Variants in SPTBN2 observed in about 807,000 individuals in gnomAD.
SPTBN2 encodes the protein spectrin beta chain, non-erythrocytic 2.
In SPTBN2, 107 loss-of-function variants were observed where a neutral mutation model predicts 284.2. The ratio of observed to expected loss-of-function variants is 0.38; its 90% CI spans 0.32 to 0.44. The LOEUF is 0.44. SPTBN2 is among the 20% of genes least tolerant of loss of function. The pLI, the probability that SPTBN2 is intolerant of heterozygous loss-of-function variation, is 1.00. For synonymous variants in SPTBN2, 1,289 were observed against 1,354.8 expected, an observed-to-expected ratio of 0.95 and a Z score of 1.07; for missense variants, 2,569 against 3,287.1, an observed-to-expected ratio of 0.78 and a Z score of 5.34.
chr11:66,705,266 G>A lies in SPTBN2; in HGVS notation c.2010C>T (p.Gly670=). The A allele has an allele frequency of 1.3e-6, 2 of 1,588,464 alleles. No individual in the cohort carries two copies. The highest frequency in any genetic ancestry group is 1.1e-5 in the South Asian group (1 of 89,366). ...GGCGGAGGGCACCGGTCAGGTCTCG[G>A]CCCGTGTCGGCTGAGGCCAGGAGGT... ...QQHLLASADT[G]RDLTGALRLL... The change falls in exon 15 of 38, where the codon GGC becomes GGT. Residue 670 remains glycine (G), a synonymous_variant. Coordinates refer to ENST00000533211, the MANE Select transcript of SPTBN2 (RefSeq NM_006946.4).
In SPTBN2 at chr11:66,700,670, T is replaced by C. The variant is rs35370566; in HGVS notation, c.3429A>G (p.Leu1143=). The C allele has an allele frequency of 1.1e-3, 1,804 of 1,606,988 alleles. 5 individuals carry two copies. Among genetic ancestry groups the C allele is most frequent in the Middle Eastern group, 4.0e-3 (24 of 6,060 alleles). The stretch of plus-strand genomic sequence containing the variant: ...TTCCCAGGGCCTCCAGTCGCTGTCG[T>C]AGGAAGAGGCACTGGGGGTCAGCCT... ...RDQADPQCLF[L]RQRLEALGTG... is the part of the protein sequence containing the mutation. Residue 1143 remains leucine (L), a synonymous_variant, in exon 17 of 38, where the codon CTA becomes CTG. Coordinates refer to ENST00000533211, the MANE Select transcript of SPTBN2 (RefSeq NM_006946.4). The surrounding 1 kb of genome is among the most constrained non-coding windows in gnomAD (Gnocchi z 6.6).
upstream of SPTBN2, among the ~76,000 whole-genome samples, chr11:66,729,421 C>T (rs1038028689): frequency 1.3e-5 from 2 of 151,940 alleles, no homozygotes; most frequent in South Asian, 2.1e-4. Flanking sequence ...GATGAGGGCC[C>T]GTTTCTATCC....
rs1565148758 is a variant in SPTBN2 at position 66,713,705 on chromosome 11, G to A, written c.698C>T (p.Ala233Val). ...GAATGCATTCTGCAGATTATAGTGT[G>A]CATTACACTTCTTCAGAGACTCAAA... The part of the protein sequence containing the change: ...LDFESLKKCN[A>V]HYNLQNAFNL... Residue 233 changes from alanine (A) to valine (V), a missense_variant, in exon 8 of 38, where the codon GCA becomes GTA. This residue lies in a region of SPTBN2 where 304 missense variants were observed against 522.1 expected (regional missense o/e 0.58). Coordinates refer to ENST00000533211, the MANE Select transcript of SPTBN2 (RefSeq NM_006946.4). 1 of 1,613,994 alleles carries A rather than the reference G, an allele frequency of 6.2e-7. No individual in the cohort carries two copies. The highest frequency in any genetic ancestry group is 1.3e-5 in the African/African-American group (1 of 74,918).
At chr11:66,734,928 C>G (rs377729202) in intron 1 of SPTBN2, among the ~76,000 whole-genome samples, 1 of 152,194 alleles carries the variant, frequency 6.6e-6, no homozygotes, top group Non-Finnish European at 1.5e-5. Flanking sequence ...GCAGCAGCAA[C>G]GGCAACAGCA....
intron 3 of SPTBN2, 89 bp from the exon 4 acceptor site, chr11:66,716,070 G>T (rs1484568072): frequency 5.1e-6 from 8 of 1,576,656 alleles, no homozygotes; most frequent in Non-Finnish European, 7.0e-6. Context: ...GGATGGAGAA[G>T]CCTGAGAGAT....
At position 66,689,195 on chromosome 11, in the gene SPTBN2, C is replaced by A. The variant is rs1488679455; in HGVS notation, c.5950-15G>T. The A allele has an allele frequency of 3.1e-6, 5 of 1,596,452 alleles. No homozygotes were observed. Among genetic ancestry groups the A allele is most frequent in the Non-Finnish European group, 4.3e-6 (5 of 1,170,128 alleles). ...TTCTCTGAGATCTGGGGGCGGGGGG[C>A]AGAGATATGAGTTAGCACCAGGATG... On this transcript the variant is annotated splice_polypyrimidine_tract_variant and intron_variant, in intron 29 of 37. Transcript: ENST00000533211.
chr11:66,701,746 T>C, intron 15 of SPTBN2, 25 bp from the exon 16 acceptor site: 1 of 1,614,040 alleles, frequency 6.2e-7, no homozygotes, highest in Non-Finnish European at 8.5e-7. Context: ...GAGCCAGGCG[T>C]GAATTGTGGG....
intron 1 of SPTBN2, among the ~76,000 whole-genome samples, chr11:66,727,541 A>G (rs1331589221): frequency 2.0e-5 from 3 of 152,214 alleles, no homozygotes; most frequent in Admixed American, 6.5e-5. Flanking sequence ...CGGACCGCAC[A>G]GCCCTATCAG....
intron 16 of SPTBN2, 105 bp downstream of exon 16, chr11:66,701,479 C>G: frequency 6.3e-7 from 1 of 1,590,064 alleles, no homozygotes. Context: ...GGTTTGCTTC[C>G]TCCTTTGTAG....
At chr11:66,702,955 A>C (rs1301952873) in intron 15 of SPTBN2, among the ~76,000 whole-genome samples, 1 of 151,346 alleles carries the variant, frequency 6.6e-6, no homozygotes, top group African/African-American at 2.4e-5. Context: ...AAAAAAAAAA[A>C]AAAAACCAAA....
chr11:66,702,755 G>A lies in SPTBN2; in HGVS notation c.2679-1034C>T, dbSNP rs1230466098. On this transcript the variant is annotated intron_variant, in intron 15 of 37. Transcript: ENST00000533211. The stretch of plus-strand genomic sequence containing the variant: ...AGATCGAGACCATCCTGGCTAACAC[G>A]GTGAAACCTCGTCTCTACTAAAAAT... Among the ~76,000 whole-genome samples, 27 of 151,492 alleles carry A rather than the reference G, an allele frequency of 1.8e-4. No homozygotes were observed. In the East Asian group the frequency reaches 4.7e-3, roughly 26 times the overall value.
chr11:66,696,198 C>T, intron 21 of SPTBN2, 79 bp downstream of exon 21: 1 of 1,575,378 alleles, frequency 6.3e-7, no homozygotes, highest in Non-Finnish European at 8.6e-7. Flanking sequence ...TGCCAGGCCT[C>T]AGCTGGCCTC....
At chr11:66,696,865 G>A (rs1940945068) in intron 20 of SPTBN2, among the ~76,000 whole-genome samples, 1 of 152,124 alleles carries the variant, frequency 6.6e-6, no homozygotes, top group Non-Finnish European at 1.5e-5. Context: ...TGAGTTATTT[G>A]CCATCATTTT....
chr11:66,686,195 A>G (rs780553332), intron 37 of SPTBN2, 91 bp from the exon 38 acceptor site: 91 of 1,440,320 alleles, frequency 6.3e-5, no homozygotes, highest in Admixed American at 1.7e-5. Context: ...GAGGAGGCAG[A>G]AAGTGAGCTG....
At chr11:66,729,827 A>G (rs565700533), upstream of SPTBN2, among the ~76,000 whole-genome samples, 1 of 152,204 alleles carries the variant, frequency 6.6e-6, no homozygotes, top group African/African-American at 2.4e-5. Flanking sequence ...TTTGAGACGG[A>G]GTCGTGCTCT....
rs758091474 is a variant in SPTBN2 at position 66,701,715 on chromosome 11, C to T, written c.2685G>A (p.Glu895=). The T allele has an allele frequency of 2.5e-6, 4 of 1,613,912 alleles. No homozygotes were observed. The Admixed American group carries it at 6.7e-5, about 27-fold the overall frequency. The change falls in exon 16 of 38, where the codon GAG becomes GAA. Residue 895 remains glutamate, a synonymous_variant. Coordinates refer to ENST00000533211, the MANE Select transcript of SPTBN2 (RefSeq NM_006946.4). ...EDLEVVQQRF[E]TLEPEMNTLA... Reference sequence around the variant, plus strand: ...GGGTGTTCATTTCAGGCTCCAGGGTCTCGAACCTGAGAGGGTGGAAGAGCC... The same window carrying T: ...GGGTGTTCATTTCAGGCTCCAGGGTTTCGAACCTGAGAGGGTGGAAGAGCC...
intron 15 of SPTBN2, among the ~76,000 whole-genome samples, chr11:66,702,410 C>A (rs1363584624): frequency 6.6e-6 from 1 of 152,152 alleles, no homozygotes; most frequent in Non-Finnish European, 1.5e-5. Flanking sequence ...CATGCTCCAC[C>A]CGCCTTGGCC....
In SPTBN2 at chr11:66,708,235, C is replaced by A; in HGVS notation, c.1256G>T (p.Arg419Leu). The part of the protein sequence containing the change: ...RELALRTELI[R>L]QEKLEQLAAR... ...GGCCAGCTGCTCCAGCTTCTCCTGG[C>A]GGATGAGCTCGGTGCGCAGGGCCAG... Residue 419 changes from arginine to leucine, a missense_variant, in exon 12 of 38, where the codon CGC becomes CTC. Transcript: ENST00000533211. The surrounding 1 kb of genome is among the most constrained non-coding windows in gnomAD (Gnocchi z 4.4). 4.3e-6 allele frequency: 7 copies of A among 1,610,692 alleles called. No individual in the cohort carries two copies. The highest frequency in any genetic ancestry group is 1.1e-5 in the South Asian group (1 of 90,990).
Position 66,685,444 on chromosome 11 carries a change from C to A in SPTBN2, c.*427G>T. 1 of 241,820 alleles carries A rather than the reference C, an allele frequency of 4.1e-6. No individual in the cohort carries two copies. The highest frequency in any genetic ancestry group is 8.3e-6 in the Non-Finnish European group (1 of 120,038). The allele number at this position is 241,820 out of a possible 1,614,324, so 15.0% of individuals were successfully genotyped here. A position where few individuals can be genotyped will look rare whatever the true frequency, so the allele number is the denominator to read the frequency against. On this transcript the variant is annotated 3_prime_UTR_variant, in exon 38 of 38. Transcript: ENST00000533211. The surrounding 1 kb of genome is among the most constrained non-coding windows in gnomAD (Gnocchi z 4.4). ...CTTCTGCCCCCAGGGCCTGCTTCAG[C>A]TCTGAGAGGTTCCTGGCTGGTCTGA...
Sources: allele counts gnomAD v4.1 joint callset (sites outside exome capture counted in the v4.1 genomes callset), GRCh38; gene constraint gnomAD v4.1.1; regional missense constraint gnomAD v4.1.1; non-coding constraint Gnocchi (gnomAD v3.1); transcripts MANE v1.5; gene names NCBI Gene and HGNC (gene_info 2026-07-23, HGNC 2026-07-21).